CTNNA2: variants seen among roughly 807,000 people sequenced by gnomAD.
CTNNA2 encodes catenin alpha-2.
A neutral mutation model predicts 101.0 loss-of-function variants in CTNNA2; 42 were observed. The ratio of observed to expected loss-of-function variants is 0.42; its 90% CI spans 0.32 to 0.54. CTNNA2 has a LOEUF of 0.54. CTNNA2 is among the 20% of genes least tolerant of loss of function. CTNNA2 has a pLI of 0.14. For synonymous variants in CTNNA2, 450 were observed against 456.4 expected (o/e 0.99, Z 0.18); for missense variants, 871 against 1,223.1 (o/e 0.71, Z 4.29).
At chr2:79,470,369 C>T (rs970954530) in intron 4 of CTNNA2, among the ~76,000 whole-genome samples, 1 of 152,016 alleles carries the variant, frequency 6.6e-6, no homozygotes, top group African/African-American at 2.4e-5. Context: ...AAGCTTTTCT[C>T]GATAAAACTG....
In CTNNA2 at chr2:79,610,490, A is replaced by G. The variant is rs79760551; in HGVS notation, c.-5-41062A>G. On this transcript the variant is annotated intron_variant, in intron 1 of 18. Transcript: ENST00000402739. ...TTCTAATGTTCATCAACAAATGAAT[A>G]TATAATGCATGTCACAAATGCTACT... Among the ~76,000 whole-genome samples, 7 of 152,302 alleles carry G rather than the reference A, an allele frequency of 4.6e-5. No homozygotes were observed. In the East Asian group the frequency reaches 9.6e-4, roughly 21 times the overall value.
chr2:80,119,067 C>T (rs772297793), intron 7 of CTNNA2, among the ~76,000 whole-genome samples: 18 of 152,104 alleles, frequency 1.2e-4, no homozygotes, highest in Non-Finnish European at 1.8e-4. Flanking sequence ...AACCAGAAGC[C>T]CGAAAGTGGG....
At chr2:80,519,417 A>G (rs1689351065) in intron 9 of CTNNA2, among the ~76,000 whole-genome samples, 1 of 152,154 alleles carries the variant, frequency 6.6e-6, no homozygotes, top group South Asian at 2.1e-4. Flanking sequence ...TAATGAACAG[A>G]GAGAGCATCT....
At chr2:80,497,006 G>T (rs1431309038) in intron 9 of CTNNA2, among the ~76,000 whole-genome samples, 1 of 152,170 alleles carries the variant, frequency 6.6e-6, no homozygotes, top group Non-Finnish European at 1.5e-5. Context: ...GCGCCTGAAA[G>T]AATTTGAGGG....
At chr2:80,234,099 T>C (rs1446580087) in intron 7 of CTNNA2, among the ~76,000 whole-genome samples, 1 of 152,072 alleles carries the variant, frequency 6.6e-6, no homozygotes, top group Non-Finnish European at 1.5e-5. Flanking sequence ...CAGGCTGGAA[T>C]GCAGTGGCAC....
At chr2:80,228,199 TC>T (rs1184288866) in intron 7 of CTNNA2, among the ~76,000 whole-genome samples, 2 of 152,200 alleles carry the variant, frequency 1.3e-5, no homozygotes, top group Non-Finnish European at 2.9e-5. Context: ...TAATAAAATA[TC>T]TTTGACCAGG....
At chr2:80,107,872 C>T (rs769217250) in intron 7 of CTNNA2, among the ~76,000 whole-genome samples, 4 of 152,148 alleles carry the variant, frequency 2.6e-5, no homozygotes, top group Non-Finnish European at 2.9e-5. Flanking sequence ...AGCTGCTGGC[C>T]GGATTCTGAA....
chr2:80,405,429 T>G (rs961586623), intron 8 of CTNNA2, among the ~76,000 whole-genome samples: 9 of 152,166 alleles, frequency 5.9e-5, no homozygotes, highest in Admixed American at 2.6e-4. Flanking sequence ...GCTCTTAGTT[T>G]ATAGCTTTTA....
intron 1 of CTNNA2, among the ~76,000 whole-genome samples, chr2:79,528,099 G>A (rs1672525242): frequency 6.6e-6 from 1 of 152,276 alleles, no homozygotes; most frequent in East Asian, 1.9e-4. Context: ...TATATAAAAT[G>A]TCCAGAATTC....
intron 2 of CTNNA2, among the ~76,000 whole-genome samples, chr2:79,692,807 A>T (rs1255696584): frequency 6.9e-6 from 1 of 143,936 alleles, no homozygotes; most frequent in Non-Finnish European, 1.5e-5. Flanking sequence ...CTCACTCATA[A>T]GTAGGAGTTT....
intron 7 of CTNNA2, among the ~76,000 whole-genome samples, chr2:79,920,264 G>T (rs1329829425): frequency 6.6e-6 from 1 of 152,124 alleles, no homozygotes; most frequent in Non-Finnish European, 1.5e-5. Flanking sequence ...ACTTTGCATA[G>T]ATGGCTGCTT....
chr2:80,169,559 G>A (rs141519390), intron 7 of CTNNA2, among the ~76,000 whole-genome samples: 1,979 of 152,250 alleles, frequency 0.013, 19 homozygotes, highest in Non-Finnish European at 0.02. Context: ...GGAAATGTCA[G>A]CATCTGGCCT....
At chr2:80,214,125 C>T (rs1419761308) in intron 7 of CTNNA2, among the ~76,000 whole-genome samples, 13 of 152,094 alleles carry the variant, frequency 8.5e-5, no homozygotes, top group Admixed American at 8.5e-4. Flanking sequence ...TGAGATGGGT[C>T]TCCTGAATAC....
intron 7 of CTNNA2, among the ~76,000 whole-genome samples, chr2:80,112,943 T>C (rs2148864102): frequency 6.6e-6 from 1 of 152,296 alleles, no homozygotes; most frequent in African/African-American, 2.4e-5. Context: ...CAGCTGTGAC[T>C]GTGACTGGAG....
chr2:79,446,116 A>G (rs1263272688), intron 4 of CTNNA2, among the ~76,000 whole-genome samples: 1 of 152,044 alleles, frequency 6.6e-6, no homozygotes, highest in Non-Finnish European at 1.5e-5. Flanking sequence ...AGAAAGACTT[A>G]TATTTGTATT....
At chr2:79,546,720 A>G (rs1165376471) in intron 1 of CTNNA2, among the ~76,000 whole-genome samples, 1 of 152,220 alleles carries the variant, frequency 6.6e-6, no homozygotes, top group Non-Finnish European at 1.5e-5. Context: ...GGAGCAATCA[A>G]GTAAGCAATG....
intron 2 of CTNNA2, among the ~76,000 whole-genome samples, chr2:79,729,118 G>A (rs1158459594): frequency 6.6e-6 from 1 of 152,104 alleles, no homozygotes; most frequent in Non-Finnish European, 1.5e-5. Flanking sequence ...TTAATTTATA[G>A]CTGACAAAAA....
chr2:80,450,887 G>A (rs1412028277), intron 9 of CTNNA2, among the ~76,000 whole-genome samples: 1 of 152,058 alleles, frequency 6.6e-6, no homozygotes, highest in Non-Finnish European at 1.5e-5. Context: ...TGGAACTTGA[G>A]AGGAACAATT....
chr2:79,999,332 G>A (rs2103949578), intron 7 of CTNNA2, among the ~76,000 whole-genome samples: 1 of 152,268 alleles, frequency 6.6e-6, no homozygotes, highest in Non-Finnish European at 1.5e-5. Flanking sequence ...ATTCCATCTA[G>A]CCACCATAGT....
Sources: gnomAD v4.1 joint callset for allele counts (sites outside exome capture counted in the v4.1 genomes callset) on GRCh38, gnomAD v4.1.1 for gene constraint, MANE v1.5 for transcripts, NCBI Gene and HGNC (gene_info 2026-07-23, HGNC 2026-07-21) for gene names.